The following RGS7BP variants were observed in gnomAD, a reference collection of about 807,000 sequenced individuals.
The protein encoded by RGS7BP is regulator of G protein signaling 7-binding protein.
Under a neutral mutation model 31.3 loss-of-function variants are expected in RGS7BP, and 9 were observed. The observed-to-expected ratio is 0.29, with a 90% CI of 0.17 to 0.50. The LOEUF is 0.50. Ranked by LOEUF, RGS7BP falls within the 20% of genes least tolerant of loss-of-function variation. The pLI, the probability that RGS7BP is intolerant of heterozygous loss-of-function variation, is 0.98. For missense variants in RGS7BP, 274 were observed against 322.0 expected, an observed-to-expected ratio of 0.85 and a Z score of 1.14; for synonymous variants, 115 against 120.1, an observed-to-expected ratio of 0.96 and a Z score of 0.28.
intron 2 of RGS7BP, among the ~76,000 whole-genome samples, chr5:64,509,025 A>G (rs1388731210): frequency 6.6e-6 from 1 of 152,194 alleles, no homozygotes; most frequent in African/African-American, 2.4e-5. Context: ...GATAAACAAA[A>G]TATGTTATAA....
intron 2 of RGS7BP, among the ~76,000 whole-genome samples, chr5:64,552,154 TTGA>T (rs1290783766): frequency 6.6e-6 from 1 of 152,204 alleles, no homozygotes; most frequent in Admixed American, 6.5e-5. Context: ...AATATGTCTT[TTGA>T]TGATCACAAA....
At chr5:64,541,458 G>A (rs1050265285) in intron 2 of RGS7BP, among the ~76,000 whole-genome samples, 12 of 152,186 alleles carry the variant, frequency 7.9e-5, no homozygotes, top group African/African-American at 2.7e-4. Context: ...GCAGCTGTAG[G>A]TGGTGAGCTC....
rs1399827269 is a variant in RGS7BP at position 64,526,695 on chromosome 5, G to A, written c.332+18818G>A. ...CAGATGATCAGGCCAGCTTACCATG[G>A]CAGTGAGCAACTAATGGAACCATTT... is the stretch of plus-strand genomic sequence containing the variant. On this transcript the variant is annotated intron_variant, in intron 2 of 5. Coordinates refer to ENST00000334025, the MANE Select transcript of RGS7BP (RefSeq NM_001029875.3). Among the ~76,000 whole-genome samples the A allele has an allele frequency of 3.9e-5, 6 of 152,112 alleles. No homozygotes were observed. The East Asian group carries it at 1.2e-3, about 29-fold the overall frequency.
rs569504732 is a variant in RGS7BP at position 64,554,934 on chromosome 5, G to T, written c.333-20840G>T. On this transcript the variant is annotated intron_variant, in intron 2 of 5. Transcript: ENST00000334025. The stretch of plus-strand genomic sequence containing the variant: ...GATTATTAAAATTAAAACCTAATGG[G>T]TATATTATATACAGCTAAAAAAGGT... Among the ~76,000 whole-genome samples the T allele has an allele frequency of 7.9e-5, 12 of 151,854 alleles. No homozygotes were observed. The East Asian group carries it at 2.3e-3, about 29-fold the overall frequency.
At chr5:64,558,199 G>C (rs553060869) in intron 2 of RGS7BP, among the ~76,000 whole-genome samples, 12 of 152,170 alleles carry the variant, frequency 7.9e-5, no homozygotes, top group African/African-American at 2.9e-4. Flanking sequence ...TAGTTATCCT[G>C]AATGGCATCT....
At position 64,536,909 on chromosome 5, in the gene RGS7BP, G is replaced by A. The variant is rs140217684; in HGVS notation, c.332+29032G>A. Among the ~76,000 whole-genome samples, 276 of 152,314 alleles carry A rather than the reference G, an allele frequency of 1.8e-3. 2 individuals carry two copies. The highest frequency in any genetic ancestry group is 6.5e-3 in the African/African-American group (271 of 41,568). On this transcript the variant is annotated intron_variant, in intron 2 of 5. Transcript: ENST00000334025. ...AAAAAAAAATGCTATCAAATTTGGT[G>A]TGGCCAAGGTAACTATAAAAGACTG...
intron 2 of RGS7BP, among the ~76,000 whole-genome samples, chr5:64,566,607 CA>C (rs1374860235): frequency 6.6e-6 from 1 of 152,102 alleles, no homozygotes; most frequent in African/African-American, 2.4e-5. Context: ...AATCTCCACC[CA>C]GGGGAGGTTT....
intron 2 of RGS7BP, among the ~76,000 whole-genome samples, chr5:64,535,296 T>C (rs1268253298): frequency 6.6e-6 from 1 of 152,200 alleles, no homozygotes; most frequent in Non-Finnish European, 1.5e-5. Context: ...TCTATTAAAG[T>C]ATGCACATTT....
chr5:64,589,792 G>A (rs979654928), intron 3 of RGS7BP, among the ~76,000 whole-genome samples: 6 of 151,948 alleles, frequency 3.9e-5, no homozygotes, highest in Non-Finnish European at 2.9e-5. Flanking sequence ...GCCAGGCATG[G>A]TCTTGTATTC....
At chr5:64,608,024 G>C in intron 5 of RGS7BP, among the ~76,000 whole-genome samples, 1 of 152,086 alleles carries the variant, frequency 6.6e-6, no homozygotes, top group Admixed American at 6.6e-5. Context: ...CCTTTGCCAA[G>C]CTTCCATCCC....
At chr5:64,586,621 T>G (rs1742761180) in intron 3 of RGS7BP, among the ~76,000 whole-genome samples, 1 of 152,140 alleles carries the variant, frequency 6.6e-6, no homozygotes, top group Non-Finnish European at 1.5e-5. Context: ...CATTGAGAGG[T>G]GGTTGCCTGG....
chr5:64,519,882 G>C (rs1231994364), intron 2 of RGS7BP, among the ~76,000 whole-genome samples: 1 of 152,174 alleles, frequency 6.6e-6, no homozygotes, highest in Non-Finnish European at 1.5e-5. Flanking sequence ...CCTCATCATA[G>C]AGCCAACTGT....
chr5:64,563,318 G>A (rs1561335972), intron 2 of RGS7BP, among the ~76,000 whole-genome samples: 1 of 151,964 alleles, frequency 6.6e-6, no homozygotes, highest in Non-Finnish European at 1.5e-5. Context: ...GAATTGAATT[G>A]TATGTCCCCC....
chr5:64,546,018 G>A (rs1741649558), intron 2 of RGS7BP, among the ~76,000 whole-genome samples: 1 of 152,132 alleles, frequency 6.6e-6, no homozygotes, highest in African/African-American at 2.4e-5. Context: ...GCCAGGCGTG[G>A]TGGTGTGCAC....
At chr5:64,537,550 T>C (rs943245119) in intron 2 of RGS7BP, among the ~76,000 whole-genome samples, 1 of 152,186 alleles carries the variant, frequency 6.6e-6, no homozygotes, top group South Asian at 2.1e-4. Context: ...ATGTTCACTT[T>C]GGGCTCTCTA....
At chr5:64,548,516 T>A (rs1293243782) in intron 2 of RGS7BP, among the ~76,000 whole-genome samples, 1 of 152,174 alleles carries the variant, frequency 6.6e-6, no homozygotes, top group African/African-American at 2.4e-5. Context: ...CTTTTTTATT[T>A]TTTTACTTTC....
At chr5:64,540,511 A>G (rs1485904218) in intron 2 of RGS7BP, among the ~76,000 whole-genome samples, 1 of 152,272 alleles carries the variant, frequency 6.6e-6, no homozygotes, top group East Asian at 1.9e-4. Flanking sequence ...TCAATTATAA[A>G]TATGTGTCAA....
At chr5:64,511,317 A>G (rs1748826563) in intron 2 of RGS7BP, among the ~76,000 whole-genome samples, 1 of 152,222 alleles carries the variant, frequency 6.6e-6, no homozygotes, top group African/African-American at 2.4e-5. Flanking sequence ...GGCATCAGAT[A>G]TCTGCATTCT....
chr5:64,529,370 G>T (rs1013190118), intron 2 of RGS7BP, among the ~76,000 whole-genome samples: 24 of 152,140 alleles, frequency 1.6e-4, no homozygotes, highest in African/African-American at 5.8e-4. Flanking sequence ...CTCATATAAT[G>T]ACTGTATCTT....
Sources: gnomAD v4.1 joint callset for allele counts (sites outside exome capture counted in the v4.1 genomes callset) on GRCh38, gnomAD v4.1.1 for gene constraint, MANE v1.5 for transcripts, NCBI Gene and HGNC (gene_info 2026-07-23, HGNC 2026-07-21) for gene names.